C19orf73: variants seen among roughly 807,000 people sequenced by gnomAD.
The protein encoded by C19orf73 is chromosome 19 open reading frame 73.
For missense variants in C19orf73, 211 were observed against 177.6 expected (o/e 1.19, Z -1.07); for synonymous variants, 86 against 79.1 (o/e 1.09, Z -0.46).
At position 49,118,479 on chromosome 19, in the gene C19orf73, G is replaced by A; in HGVS notation, c.*154C>T. 6.4e-7 allele frequency: 1 copy of A among 1,565,292 alleles called. No homozygotes were observed. The highest frequency in any genetic ancestry group is 1.1e-5 in the South Asian group (1 of 89,838). ...ACCCTCACTGAGTGTCTGTGTGTCT[G>A]TCCTGCATCCCTGGGTTGGTGTCTT... On this transcript the variant is annotated 3_prime_UTR_variant, in exon 1 of 1. Transcript: ENST00000408991.
In C19orf73 at chr19:49,118,709, C is replaced by T. The variant is rs2122483236; in HGVS notation, c.314G>A (p.Gly105Asp). The part of the protein sequence containing the change: ...GLRPQTLLRV[G>D]SVVLSSAPAL... ...TGGGGCAGAACTGAGGACAACGCTG[C>T]CTACCCTTAAGAGCGTCTGAGGGCG... The change falls in exon 1 of 1, where the codon GGC (glycine) becomes GAC (aspartate). Residue 105 changes from glycine (G) to aspartate (D), a missense_variant. Physicochemically the swap from Gly to Asp is moderately conservative, Grantham distance 94. Coordinates refer to ENST00000408991, the MANE Select transcript of C19orf73 (RefSeq NM_018111.3). The T allele has an allele frequency of 6.2e-7, 1 of 1,614,092 alleles. No homozygotes were observed.
rs1600312923 is a variant in C19orf73, at chr19:49,118,432, G to A, written c.*201C>T. 6.3e-7 allele frequency: 1 copy of A among 1,599,978 alleles called. No individual in the cohort carries two copies. Among genetic ancestry groups the A allele is most frequent in the East Asian group, 2.2e-5 (1 of 44,830 alleles). ...TCCTGTACAGTATTTATTGTTCCTG[G>A]CACTTTATTTAAAGATATTTGACCC... On this transcript the variant is annotated 3_prime_UTR_variant, in exon 1 of 1. Coordinates refer to ENST00000408991, the MANE Select transcript of C19orf73 (RefSeq NM_018111.3).
Position 49,118,891 on chromosome 19 carries a change from G to A in C19orf73, c.132C>T (p.His44=), listed in dbSNP as rs1486149133. Residue 44 remains histidine, a synonymous_variant, in exon 1 of 1, where the codon CAC becomes CAT. Coordinates refer to ENST00000408991, the MANE Select transcript of C19orf73 (RefSeq NM_018111.3). The part of the protein sequence containing the change: ...SAPLRPPREL[H]AAPPPATPTQ... ...TGGGAGTCGCGGGTGGGGGTGCCGC[G>A]TGCAGTTCCCGAGGCGGGCGCAGGG... is the stretch of plus-strand genomic sequence containing the variant. The A allele has an allele frequency of 6.2e-7, 1 of 1,613,114 alleles. No individual in the cohort carries two copies. The highest frequency in any genetic ancestry group is 2.2e-5 in the East Asian group (1 of 44,870).
chr19:49,118,792 C>G lies in C19orf73; in HGVS notation c.231G>C (p.Gln77His), dbSNP rs1370599591. Residue 77 changes from glutamine (Q) to histidine (H), a missense_variant, in exon 1 of 1, where the codon CAG becomes CAC. Physicochemically the swap from Gln to His is conservative, Grantham distance 24. Transcript: ENST00000408991. ...RLMVRSAPPT[Q>H]RPPTGSGCVS... Reference sequence around the variant, plus strand: ...CGCAGCCGGAGCCAGTGGGCGGCCTCTGTGTGGGCGGGGCGGAGCGAACCA... The same window carrying G: ...CGCAGCCGGAGCCAGTGGGCGGCCTGTGTGTGGGCGGGGCGGAGCGAACCA... 9 of 1,614,070 alleles carry G rather than the reference C, an allele frequency of 5.6e-6. No homozygotes were observed. Among genetic ancestry groups the G allele is most frequent in the African/African-American group, 1.3e-5 (1 of 74,948 alleles).
Position 49,118,992 on chromosome 19 carries a change from C to T in C19orf73, c.31G>A (p.Gly11Ser). 6.2e-7 allele frequency: 1 copy of T among 1,613,694 alleles called. No homozygotes were observed. Among genetic ancestry groups the T allele is most frequent in the East Asian group, 2.2e-5 (1 of 44,866 alleles). Residue 11 changes from glycine to serine, a missense_variant, in exon 1 of 1, where the codon GGC becomes AGC. Gly to Ser is a moderately conservative substitution (Grantham distance 56). Coordinates refer to ENST00000408991, the MANE Select transcript of C19orf73 (RefSeq NM_018111.3). MRLKVGFQGG[G>S]CFRKDALCLE... ...CACAGCGCGTCTTTCCGGAAGCAGC[C>T]CCCGCCTTGAAATCCAACCTTTAGC...
chr19:49,119,081 C>T lies in C19orf73; in HGVS notation c.-59G>A. ...GCGCGAGGGCTAGTGCGCGCCACTGCCGGGAGCCGGGGTCGCGACTCGCGT... is the reference window on the plus strand; with the variant it reads ...GCGCGAGGGCTAGTGCGCGCCACTGTCGGGAGCCGGGGTCGCGACTCGCGT... On this transcript the variant is annotated 5_prime_UTR_variant, in exon 1 of 1. Coordinates refer to ENST00000408991, the MANE Select transcript of C19orf73 (RefSeq NM_018111.3). 6.2e-7 allele frequency: 1 copy of T among 1,602,602 alleles called. No individual in the cohort carries two copies. The highest frequency in any genetic ancestry group is 8.5e-7 in the Non-Finnish European group (1 of 1,174,296).
Position 49,119,077 on chromosome 19 carries a change from AC to A in C19orf73, c.-56del. ...TGCGGCGCGAGGGCTAGTGCGCGCC[AC>A]TGCCGGGAGCCGGGGTCGCGACTCG... On this transcript the variant is annotated 5_prime_UTR_variant, in exon 1 of 1. In the 5' UTR this introduces an upstream ATG that the reference lacks. Transcript: ENST00000408991. 20 of 1,605,662 alleles carry A rather than the reference AC, an allele frequency of 1.2e-5. No homozygotes were observed. Among genetic ancestry groups the A allele is most frequent in the Non-Finnish European group, 1.7e-5 (20 of 1,175,646 alleles).
At position 49,118,497 on chromosome 19, in the gene C19orf73, G is replaced by A; in HGVS notation, c.*136C>T. 2.6e-6 allele frequency: 4 copies of A among 1,561,968 alleles called. No individual in the cohort carries two copies. Among genetic ancestry groups the A allele is most frequent in the Non-Finnish European group, 3.5e-6 (4 of 1,135,164 alleles). On this transcript the variant is annotated 3_prime_UTR_variant, in exon 1 of 1. Transcript: ENST00000408991. ...TGTGTCTGTCCTGCATCCCTGGGTT[G>A]GTGTCTTGAGATGTGGAGGGAATGC...
Position 49,118,876 on chromosome 19 carries a change from G to T in C19orf73, c.147C>A (p.Pro49=). The change falls in exon 1 of 1, where the codon CCC becomes CCA. Residue 49 remains proline (P), a synonymous_variant. Transcript: ENST00000408991. ...PPRELHAAPP[P]ATPTQTVVRP... ...GCACTACTGTCTGCGTGGGAGTCGC[G>T]GGTGGGGGTGCCGCGTGCAGTTCCC... The T allele has an allele frequency of 6.2e-7, 1 of 1,612,922 alleles. No homozygotes were observed. The highest frequency in any genetic ancestry group is 1.1e-5 in the South Asian group (1 of 90,984).
chr19:49,118,441 TTA>T lies in C19orf73; in HGVS notation c.*190_*191del. ...GTATTTATTGTTCCTGGCACTTTAT[TTA>T]AAGATATTTGACCCTCACTGAGTGT... On this transcript the variant is annotated 3_prime_UTR_variant, in exon 1 of 1. Coordinates refer to ENST00000408991, the MANE Select transcript of C19orf73 (RefSeq NM_018111.3). 6.3e-7 allele frequency: 1 copy of T among 1,594,606 alleles called. No homozygotes were observed. Among genetic ancestry groups the T allele is most frequent in the Non-Finnish European group, 8.6e-7 (1 of 1,162,246 alleles).
Position 49,118,758 on chromosome 19 carries a change from G to A in C19orf73, c.265C>T (p.Leu89Phe), listed in dbSNP as rs774790138. ...CGAAGGCCAAGTCCCTTCCTCCAGA[G>A]TCCTGAAACGCAGCCGGAGCCAGTG... Reference protein sequence around the residue: ...PPTGSGCVSGLWRKGLGLRPQ... With the variant: ...PPTGSGCVSGFWRKGLGLRPQ... Residue 89 changes from leucine (L) to phenylalanine (F), a missense_variant, in exon 1 of 1, where the codon CTC becomes TTC. Physicochemically the swap from Leu to Phe is conservative, Grantham distance 22 (BLOSUM62 0). Transcript: ENST00000408991. 3 of 1,614,204 alleles carry A rather than the reference G, an allele frequency of 1.9e-6. No homozygotes were observed. Among genetic ancestry groups the A allele is most frequent in the South Asian group, 2.2e-5 (2 of 91,084 alleles).
chr19:49,118,674 G>A lies in C19orf73; in HGVS notation c.349C>T (p.Pro117Ser), dbSNP rs895152885. 4 of 1,613,744 alleles carry A rather than the reference G, an allele frequency of 2.5e-6. No homozygotes were observed. The highest frequency in any genetic ancestry group is 3.4e-6 in the Non-Finnish European group (4 of 1,179,710). ...GGGCGGAGGCAGGGACCCAGTCTGGGTCTGAGTGCTGGGGCAGAACTGAGG... is the reference window on the plus strand; with the variant it reads ...GGGCGGAGGCAGGGACCCAGTCTGGATCTGAGTGCTGGGGCAGAACTGAGG... ...VVLSSAPALRPRLGPCLRPPP... is the reference protein window; with the variant it reads ...VVLSSAPALRSRLGPCLRPPP... Residue 117 changes from proline (P) to serine (S), a missense_variant, in exon 1 of 1, where the codon CCC becomes TCC. Transcript: ENST00000408991.
In C19orf73 at chr19:49,118,931, G is replaced by T. The variant is rs1325539767; in HGVS notation, c.92C>A (p.Ala31Glu). The T allele has an allele frequency of 1.2e-6, 2 of 1,613,506 alleles. No homozygotes were observed. The highest frequency in any genetic ancestry group is 2.2e-5 in the South Asian group (2 of 91,076). ...EGGVSARWAR[A>E]PHSAPLRPPR... Reference sequence around the variant, plus strand: ...CGGGCGCAGGGGTGCAGAATGAGGTGCCCTCGCCCACCGGGCGCTCACTCC... The same window carrying T: ...CGGGCGCAGGGGTGCAGAATGAGGTTCCCTCGCCCACCGGGCGCTCACTCC... Residue 31 changes from alanine to glutamate, a missense_variant, in exon 1 of 1, where the codon GCA (alanine) becomes GAA (glutamate). By Grantham distance (107) the Ala-to-Glu change is moderately radical. Coordinates refer to ENST00000408991, the MANE Select transcript of C19orf73 (RefSeq NM_018111.3).
rs1417981313 is a variant in C19orf73 at position 49,118,715 on chromosome 19, C to G, written c.308G>C (p.Arg103Thr). 9 of 1,614,000 alleles carry G rather than the reference C, an allele frequency of 5.6e-6. No individual in the cohort carries two copies. Among genetic ancestry groups the G allele is most frequent in the Admixed American group, 5.0e-5 (3 of 60,010 alleles). Residue 103 changes from arginine (R) to threonine (T), a missense_variant, in exon 1 of 1, where the codon AGG becomes ACG. Physicochemically the swap from Arg to Thr is moderately conservative, Grantham distance 71. Transcript: ENST00000408991. ...AGAACTGAGGACAACGCTGCCTACC[C>G]TTAAGAGCGTCTGAGGGCGAAGGCC... ...GLGLRPQTLL[R>T]VGSVVLSSAP...
chr19:49,118,804 G>A lies in C19orf73; in HGVS notation c.219C>T (p.Ala73=). Residue 73 remains alanine (A), a synonymous_variant, in exon 1 of 1, where the codon GCC becomes GCT. Coordinates refer to ENST00000408991, the MANE Select transcript of C19orf73 (RefSeq NM_018111.3). ...CAGTGGGCGGCCTCTGTGTGGGCGGGGCGGAGCGAACCATTAGCCTCGTCC... is the reference window on the plus strand; with the variant it reads ...CAGTGGGCGGCCTCTGTGTGGGCGGAGCGGAGCGAACCATTAGCCTCGTCC... ...PRRTRLMVRS[A]PPTQRPPTGS... is the part of the protein sequence containing the mutation. 1.9e-6 allele frequency: 3 copies of A among 1,614,172 alleles called. No individual in the cohort carries two copies. Among genetic ancestry groups the A allele is most frequent in the Non-Finnish European group, 2.5e-6 (3 of 1,180,006 alleles).
rs1327353615 is a variant in C19orf73, at chr19:49,118,655, A to G, written c.368T>C (p.Leu123Pro). 3 of 1,610,528 alleles carry G rather than the reference A, an allele frequency of 1.9e-6. No homozygotes were observed. Among genetic ancestry groups the G allele is most frequent in the Admixed American group, 1.7e-5 (1 of 59,776 alleles). ...AGACTAGTCCGAGGGCGGAGGGCGG[A>G]GGCAGGGACCCAGTCTGGGTCTGAG... ...PALRPRLGPCLRPPPSD is the reference protein window; with the variant it reads ...PALRPRLGPCPRPPPSD The change falls in exon 1 of 1, where the codon CTC becomes CCC. Residue 123 changes from leucine to proline, a missense_variant. Coordinates refer to ENST00000408991, the MANE Select transcript of C19orf73 (RefSeq NM_018111.3).
chr19:49,119,120 C>A lies in C19orf73; in HGVS notation c.-98G>T. On this transcript the variant is annotated 5_prime_UTR_variant, in exon 1 of 1. Transcript: ENST00000408991. ...CGCGACTCGCGTTCCACGCCGCGCG[C>A]TACTCGCTCCAGGTGACATCATCCC... 6.5e-7 allele frequency: 1 copy of A among 1,542,136 alleles called. No individual in the cohort carries two copies. Among genetic ancestry groups the A allele is most frequent in the African/African-American group, 1.4e-5 (1 of 73,250 alleles).
chr19:49,118,713 C>A lies in C19orf73; in HGVS notation c.310G>T (p.Val104Leu). 1 of 1,614,102 alleles carries A rather than the reference C, an allele frequency of 6.2e-7. No homozygotes were observed. Among genetic ancestry groups the A allele is most frequent in the Non-Finnish European group, 8.5e-7 (1 of 1,179,932 alleles). Residue 104 changes from valine to leucine, a missense_variant, in exon 1 of 1, where the codon GTA (valine) becomes TTA (leucine). Physicochemically the swap from Val to Leu is conservative, Grantham distance 32. Coordinates refer to ENST00000408991, the MANE Select transcript of C19orf73 (RefSeq NM_018111.3). The stretch of plus-strand genomic sequence containing the variant: ...GCAGAACTGAGGACAACGCTGCCTA[C>A]CCTTAAGAGCGTCTGAGGGCGAAGG... ...LGLRPQTLLRVGSVVLSSAPA... is the reference protein window; with the variant it reads ...LGLRPQTLLRLGSVVLSSAPA...
rs995464520 is a variant in C19orf73 at position 49,118,479 on chromosome 19, G to C, written c.*154C>G. 6 of 1,565,292 alleles carry C rather than the reference G, an allele frequency of 3.8e-6. No individual in the cohort carries two copies. The highest frequency in any genetic ancestry group is 4.4e-6 in the Non-Finnish European group (5 of 1,136,368). On this transcript the variant is annotated 3_prime_UTR_variant, in exon 1 of 1. Transcript: ENST00000408991. ...ACCCTCACTGAGTGTCTGTGTGTCTGTCCTGCATCCCTGGGTTGGTGTCTT... is the reference window on the plus strand; with the variant it reads ...ACCCTCACTGAGTGTCTGTGTGTCTCTCCTGCATCCCTGGGTTGGTGTCTT...
Sources: allele counts gnomAD v4.1 joint callset, GRCh38; gene constraint gnomAD v4.1.1; transcripts MANE v1.5; gene names NCBI Gene and HGNC (gene_info 2026-07-23, HGNC 2026-07-21).